PCDHA8: variants seen among roughly 807,000 people sequenced by gnomAD.
The protein encoded by PCDHA8 is protocadherin alpha 8.
PCDHA8 carries 53 observed loss-of-function variants against 61.8 expected under a neutral mutation model. The ratio of observed to expected loss-of-function variants is 0.86; its 90% confidence interval spans 0.69 to 1.08. PCDHA8 has a LOEUF of 1.08. Among genes scored for constraint, PCDHA8 ranks in the 50% least tolerant of loss-of-function variants. The pLI is 0.00. For missense variants in PCDHA8, 1,293 were observed against 1,245.0 expected (o/e 1.04, Z -0.58); for synonymous variants, 618 against 556.6 (o/e 1.11, Z -1.55).
chr5:140,938,237 T>A (rs1287300526), intron 1 of PCDHA8, among the ~76,000 whole-genome samples: 1 of 152,208 alleles, frequency 6.6e-6, no homozygotes, highest in African/African-American at 2.4e-5. Context: ...TAGGCCACCA[T>A]GCCTGGTCTT....
chr5:140,899,664 G>T (rs1263525075), intron 1 of PCDHA8, among the ~76,000 whole-genome samples: 17 of 152,124 alleles, frequency 1.1e-4, no homozygotes, highest in Admixed American at 1.0e-3. Flanking sequence ...GTCTCTGCCC[G>T]GCTTTGGTAT....
At chr5:140,899,431 T>C (rs1271468350) in intron 1 of PCDHA8, among the ~76,000 whole-genome samples, 2 of 152,242 alleles carry the variant, frequency 1.3e-5, no homozygotes, top group Non-Finnish European at 2.9e-5. Context: ...AGGTCTTTTC[T>C]GCATCTATTG....
intron 1 of PCDHA8, chr5:140,928,174 C>T (rs2085016971): frequency 1.9e-6 from 3 of 1,614,060 alleles, no homozygotes; most frequent in African/African-American, 1.3e-5. Flanking sequence ...ACTTAGCACC[C>T]GAAGGACAAT....
At chr5:140,856,514 G>A in intron 1 of PCDHA8, 1 of 1,598,422 alleles carries the variant, frequency 6.3e-7, no homozygotes. Context: ...ACTAGAAGGC[G>A]CATCTGATGC....
At chr5:141,009,001 A>G (rs1373262105) in intron 3 of PCDHA8, among the ~76,000 whole-genome samples, 1 of 152,246 alleles carries the variant, frequency 6.6e-6, no homozygotes, top group East Asian at 1.9e-4. Flanking sequence ...TAAAAGGAGC[A>G]TATTTTGCCT....
intron 1 of PCDHA8, among the ~76,000 whole-genome samples, chr5:140,950,594 G>C (rs1469063256): frequency 6.6e-6 from 1 of 152,040 alleles, no homozygotes; most frequent in African/African-American, 2.4e-5. Flanking sequence ...TGGTTTAGAA[G>C]TTTGACTATG....
chr5:140,991,588 C>T (rs1252872687), intron 3 of PCDHA8, among the ~76,000 whole-genome samples: 3 of 152,212 alleles, frequency 2.0e-5, no homozygotes, highest in African/African-American at 7.2e-5. Flanking sequence ...TTATTTCTAC[C>T]TGAGCCCTCA....
In PCDHA8 at chr5:140,841,689, T is replaced by C; in HGVS notation, c.368T>C (p.Val123Ala). 1 of 1,613,616 alleles carries C rather than the reference T, an allele frequency of 6.2e-7. No homozygotes were observed. The highest frequency in any genetic ancestry group is 1.1e-5 in the South Asian group (1 of 91,046). The change falls in exon 1 of 4, where the codon GTG becomes GCG. Residue 123 changes from valine to alanine, a missense_variant. Coordinates refer to ENST00000531613, the MANE Select transcript of PCDHA8 (RefSeq NM_018911.3). Reference protein sequence around the residue: ...PLQVFHVDVEVKDVNDNPPVF... With the variant: ...PLQVFHVDVEAKDVNDNPPVF... ...CAGGTTTTCCATGTGGACGTGGAGGTGAAGGATGTTAATGACAACCCGCCA... is the reference window on the plus strand; with the variant it reads ...CAGGTTTTCCATGTGGACGTGGAGGCGAAGGATGTTAATGACAACCCGCCA...
intron 1 of PCDHA8, chr5:140,966,733 C>T: frequency 7.1e-7 from 1 of 1,416,484 alleles, no homozygotes; most frequent in Non-Finnish European, 9.2e-7. Context: ...CCGCCTCCGG[C>T]CCTGCCCGGC....
chr5:140,843,845 C>A (rs1191998999), intron 1 of PCDHA8, 130 bp downstream of exon 1: 1 of 1,001,508 alleles, frequency 1.0e-6, no homozygotes, highest in Non-Finnish European at 1.5e-6. Context: ...TTTTTAGAAA[C>A]CTTTTATAAT....
Position 140,848,728 on chromosome 5 carries a change from A to G in PCDHA8, c.2394+5013A>G. On this transcript the variant is annotated intron_variant, in intron 1 of 3. Transcript: ENST00000531613. ...GGCCGCGGGGACCTTCTGGAGGTAAATCTGCAGAATGGCATTTTGTTTGTG... is the reference window on the plus strand; with the variant it reads ...GGCCGCGGGGACCTTCTGGAGGTAAGTCTGCAGAATGGCATTTTGTTTGTG... 5 of 1,592,594 alleles carry G rather than the reference A, an allele frequency of 3.1e-6. No individual in the cohort carries two copies. Among genetic ancestry groups the G allele is most frequent in the South Asian group, 1.1e-5 (1 of 90,116 alleles).
intron 1 of PCDHA8, chr5:140,862,471 C>A (rs1000381603): frequency 1.5e-4 from 55 of 374,462 alleles, no homozygotes; most frequent in Non-Finnish European, 2.7e-4. Context: ...GAGAGCAAAT[C>A]TATCCATTGT....
At chr5:140,938,187 C>A (rs1584944424) in intron 1 of PCDHA8, among the ~76,000 whole-genome samples, 1 of 152,276 alleles carries the variant, frequency 6.6e-6, no homozygotes, top group Non-Finnish European at 1.5e-5. Context: ...CTCAAGCAAT[C>A]CTCCCACGCC....
chr5:140,854,300 G>A lies in PCDHA8; in HGVS notation c.2394+10585G>A, dbSNP rs193127815. The A allele has an allele frequency of 1.0e-3, 435 of 414,882 alleles. 8 individuals are homozygous for A. Among genetic ancestry groups the A allele is most frequent in the African/African-American group, 1.4e-3 (63 of 46,296 alleles). The allele number at this position is 414,882 out of a possible 1,614,324, so 25.7% of individuals were successfully genotyped here. The stretch of plus-strand genomic sequence containing the variant: ...GAGTTTAGTTTTTATTATTTTGTGC[G>A]TGGAGATGATTGATCAATGGCAAAC... On this transcript the variant is annotated intron_variant, in intron 1 of 3. Coordinates refer to ENST00000531613, the MANE Select transcript of PCDHA8 (RefSeq NM_018911.3).
intron 1 of PCDHA8, chr5:140,856,389 A>G (rs1554148624): frequency 6.3e-7 from 1 of 1,598,440 alleles, no homozygotes; most frequent in African/African-American, 1.3e-5. Context: ...AGGCCGCTGC[A>G]GGTTTTCCAT....
intron 1 of PCDHA8, among the ~76,000 whole-genome samples, chr5:140,845,869 C>A (rs1190017155): frequency 6.7e-6 from 1 of 149,586 alleles, no homozygotes; most frequent in Non-Finnish European, 1.5e-5. Flanking sequence ...TGCAGAAAGG[C>A]AACCTAAAAT....
intron 1 of PCDHA8, among the ~76,000 whole-genome samples, chr5:140,950,042 T>C (rs2153688283): frequency 6.6e-6 from 1 of 152,082 alleles, no homozygotes; most frequent in South Asian, 2.1e-4. Flanking sequence ...GTTACAACCA[T>C]ATAAGACTAT....
At chr5:140,921,981 A>G (rs2080540156) in intron 1 of PCDHA8, among the ~76,000 whole-genome samples, 1 of 152,092 alleles carries the variant, frequency 6.6e-6, no homozygotes, top group Non-Finnish European at 1.5e-5. Flanking sequence ...AAATAGAACT[A>G]AAAAAGAGTT....
chr5:140,942,448 A>C (rs140426253), intron 1 of PCDHA8, among the ~76,000 whole-genome samples: 3,563 of 152,146 alleles, frequency 0.023, 50 homozygotes, highest in Middle Eastern at 0.034. Flanking sequence ...CAAGTAAACT[A>C]TCAATTATAA....
Sources: gnomAD v4.1 joint callset for allele counts (sites outside exome capture counted in the v4.1 genomes callset) on GRCh38, gnomAD v4.1.1 for gene constraint, MANE v1.5 for transcripts, NCBI Gene and HGNC (gene_info 2026-07-23, HGNC 2026-07-21) for gene names.